AGAP1: variants seen among roughly 807,000 people sequenced by gnomAD.
The protein encoded by AGAP1 is arf-GAP with GTPase, ANK repeat and PH domain-containing protein 1.
Under a neutral mutation model 105.3 loss-of-function variants are expected in AGAP1, and 29 were observed. The ratio of observed to expected loss-of-function variants is 0.28; its 90% CI spans 0.21 to 0.38. The LOEUF (loss-of-function observed/expected upper bound fraction) is 0.38, where lower values mean the gene tolerates loss of function less well. AGAP1 is among the 10% of genes least tolerant of loss of function. AGAP1 has a pLI of 1.00. For missense variants in AGAP1, 998 were observed against 1,165.1 expected (o/e 0.86, Z 2.09); for synonymous variants, 509 against 485.9 (o/e 1.05, Z -0.63).
chr2:235,509,686 C>A (rs188588862), intron 1 of AGAP1, among the ~76,000 whole-genome samples: 1 of 152,154 alleles, frequency 6.6e-6, no homozygotes, highest in East Asian at 1.9e-4. Flanking sequence ...CACCTCTGTC[C>A]GTCTGCTTGC....
chr2:235,849,479 C>CGT (rs759430166), intron 9 of AGAP1, among the ~76,000 whole-genome samples: 2 of 12,962 alleles, frequency 1.5e-4, no homozygotes, highest in East Asian at 0.036. Flanking sequence ...CAGGCAGTGA[C>CGT]CTCTCCTGCA....
At chr2:235,873,180 G>T (rs1002219564) in intron 9 of AGAP1, among the ~76,000 whole-genome samples, 2 of 152,218 alleles carry the variant, frequency 1.3e-5, no homozygotes, top group African/African-American at 2.4e-5. Context: ...AACTTCTGGG[G>T]TCGCTCTAGA....
chr2:235,565,085 G>A (rs1456467691), intron 1 of AGAP1, among the ~76,000 whole-genome samples: 1 of 148,942 alleles, frequency 6.7e-6, no homozygotes, highest in Non-Finnish European at 1.5e-5. Flanking sequence ...CACCACCCAC[G>A]GTCAGCTGTG....
chr2:236,084,223 C>G (rs919410639), intron 16 of AGAP1, among the ~76,000 whole-genome samples: 5 of 147,414 alleles, frequency 3.4e-5, no homozygotes, highest in Non-Finnish European at 6.0e-5. Flanking sequence ...TCCTGAAGGG[C>G]GGGGGGGGGT....
chr2:235,775,023 T>C (rs1280236690), intron 6 of AGAP1, among the ~76,000 whole-genome samples: 1 of 152,120 alleles, frequency 6.6e-6, no homozygotes, highest in Admixed American at 6.5e-5. Context: ...CTGTAAATTC[T>C]GGGAAAGTTT....
At chr2:235,711,819 C>G (rs541847228) in intron 2 of AGAP1, among the ~76,000 whole-genome samples, 16 of 152,304 alleles carry the variant, frequency 1.1e-4, no homozygotes, top group Admixed American at 5.9e-4. Context: ...GCGCAGCCCC[C>G]CCAGGACAGG....
intron 13 of AGAP1, among the ~76,000 whole-genome samples, chr2:236,015,975 C>CT (rs368766532): frequency 6.6e-6 from 1 of 152,132 alleles, no homozygotes; most frequent in East Asian, 1.9e-4. Context: ...TCACCATCCT[C>CT]TTTTTTTCTT....
chr2:235,902,780 C>T (rs1037013058), intron 10 of AGAP1, among the ~76,000 whole-genome samples: 1 of 152,228 alleles, frequency 6.6e-6, no homozygotes, highest in Non-Finnish European at 1.5e-5. Context: ...AGACAACCAT[C>T]ACCCTCCGGT....
rs1952119672 is a variant in AGAP1 at position 235,734,360 on chromosome 2, C to T, written c.311-6603C>T. On this transcript the variant is annotated intron_variant, in intron 3 of 17. Transcript: ENST00000304032. This position sits in a 1 kb window ranked among gnomAD's most constrained non-coding sequence, Gnocchi z 5.3. ...GAACCCCACAGCGCTGGGCGGTTGA[C>T]GAGGTGTGGCCAGCTTGCATCTGCT... Among the ~76,000 whole-genome samples the T allele has an allele frequency of 1.3e-5, 2 of 152,098 alleles. No individual in the cohort carries two copies. The highest frequency in any genetic ancestry group is 2.4e-5 in the African/African-American group (1 of 41,416).
intron 1 of AGAP1, among the ~76,000 whole-genome samples, chr2:235,579,283 C>T (rs1369353413): frequency 6.6e-6 from 1 of 152,184 alleles, no homozygotes; most frequent in Non-Finnish European, 1.5e-5. Flanking sequence ...TGCTTTAATC[C>T]TTCCTGGTGT....
rs955087572 is a variant in AGAP1, at chr2:235,801,865, T to C, written c.957+2343T>C. Among the ~76,000 whole-genome samples, 13 of 152,016 alleles carry C rather than the reference T, an allele frequency of 8.6e-5. No individual in the cohort carries two copies. Among genetic ancestry groups the C allele is most frequent in the African/African-American group, 3.1e-4 (13 of 41,380 alleles). The stretch of plus-strand genomic sequence containing the variant: ...CTGCTTGTTGACTTTGCTTTCTCTT[T>C]TAAGGAGAGAAATTTTAAAACCACA... On this transcript the variant is annotated intron_variant, in intron 8 of 17. Transcript: ENST00000304032. This position sits in a 1 kb window ranked among gnomAD's most constrained non-coding sequence, Gnocchi z 6.0.
At chr2:235,509,117 C>T (rs145233077) in intron 1 of AGAP1, among the ~76,000 whole-genome samples, 277 of 152,260 alleles carry the variant, frequency 1.8e-3, no homozygotes, top group Non-Finnish European at 3.1e-3. Context: ...GTGATGTGAA[C>T]GATTACTTAT....
rs1486640457 is a variant in AGAP1 at position 235,657,912 on chromosome 2, G to GA, written c.164-51264dup. Among the ~76,000 whole-genome samples, 3 of 152,166 alleles carry GA rather than the reference G, an allele frequency of 2.0e-5. No individual in the cohort carries two copies. In the East Asian group the frequency reaches 5.8e-4, roughly 29 times the overall value. On this transcript the variant is annotated intron_variant, in intron 1 of 17. Coordinates refer to ENST00000304032, the MANE Select transcript of AGAP1 (RefSeq NM_001037131.3). ...GAGATTAAGACGCAGACACACAGAG[G>GA]AAAGACCATGTGAGGACACAGGGGG...
chr2:235,609,484 T>C lies in AGAP1; in HGVS notation c.164-99695T>C, dbSNP rs1946055996. Among the ~76,000 whole-genome samples, 1 of 151,604 alleles carries C rather than the reference T, an allele frequency of 6.6e-6. No homozygotes were observed. The highest frequency in any genetic ancestry group is 1.5e-5 in the Non-Finnish European group (1 of 67,946). Reference sequence around the variant, plus strand: ...ACTGGGGGCTGGGCTGTGGAAGAAGTGCGAGAGGGAGTGGGGAAGGCAGGC... The same window carrying C: ...ACTGGGGGCTGGGCTGTGGAAGAAGCGCGAGAGGGAGTGGGGAAGGCAGGC... On this transcript the variant is annotated intron_variant, in intron 1 of 17. Coordinates refer to ENST00000304032, the MANE Select transcript of AGAP1 (RefSeq NM_001037131.3). The surrounding 1 kb of genome is among the most constrained non-coding windows in gnomAD (Gnocchi z 5.1).
intron 6 of AGAP1, among the ~76,000 whole-genome samples, chr2:235,764,146 G>T (rs1187398474): frequency 6.6e-6 from 1 of 152,228 alleles, no homozygotes; most frequent in Non-Finnish European, 1.5e-5. Context: ...CCGACTGGTT[G>T]GTAGGCGCTT....
rs563433548 is a variant in AGAP1 at position 236,089,541 on chromosome 2, A to C, written c.2115-30651A>C. ...GCCGTTGATGAGACCCAAAGTCTGG[A>C]ACGAATCTGGTTCCATATAGAGTTC... On this transcript the variant is annotated intron_variant, in intron 16 of 17. Transcript: ENST00000304032. The surrounding 1 kb of genome is among the most constrained non-coding windows in gnomAD (Gnocchi z 5.6). Among the ~76,000 whole-genome samples the C allele has an allele frequency of 1.1e-4, 17 of 152,326 alleles. No homozygotes were observed. The highest frequency in any genetic ancestry group is 3.8e-4 in the African/African-American group (16 of 41,578).
At position 236,005,329 on chromosome 2, in the gene AGAP1, C is replaced by T. The variant is rs766198742; in HGVS notation, c.1646-31232C>T. 1.3e-5 allele frequency among the ~76,000 whole-genome samples: 2 copies of T among 151,956 alleles called. No homozygotes were observed. The highest frequency in any genetic ancestry group is 2.4e-5 in the African/African-American group (1 of 41,348). On this transcript the variant is annotated intron_variant, in intron 13 of 17. Transcript: ENST00000304032. The surrounding 1 kb of genome is among the most constrained non-coding windows in gnomAD (Gnocchi z 4.1). ...TAATTTTTTTTATTTTTGGTAGAAA[C>T]GTTGTTTCACCATGTTGCCCAGGCT...
intron 5 of AGAP1, among the ~76,000 whole-genome samples, chr2:235,749,315 G>GT (rs1167011383): frequency 6.6e-6 from 1 of 151,706 alleles, no homozygotes; most frequent in Non-Finnish European, 1.5e-5. Context: ...ACGTGCCACT[G>GT]TAACTCAATA....
intron 13 of AGAP1, among the ~76,000 whole-genome samples, chr2:236,026,793 A>G (rs1447873569): frequency 6.6e-6 from 1 of 152,212 alleles, no homozygotes; most frequent in Non-Finnish European, 1.5e-5. Flanking sequence ...TGGGGAAGCT[A>G]GTTTCAAAAG....
Sources: gnomAD v4.1 joint callset for allele counts (sites outside exome capture counted in the v4.1 genomes callset) on GRCh38, gnomAD v4.1.1 for gene constraint, Gnocchi (gnomAD v3.1) non-coding constraint, MANE v1.5 for transcripts, NCBI Gene and HGNC (gene_info 2026-07-23, HGNC 2026-07-21) for gene names.